Variants in ACOXL observed in about 807,000 individuals in gnomAD.
ACOXL encodes the protein acyl-coenzyme A oxidase-like protein.
A neutral mutation model predicts 71.9 loss-of-function variants in ACOXL; 70 were observed. The ratio of observed to expected loss-of-function variants is 0.97; its 90% CI spans 0.80 to 1.19. The LOEUF is 1.19. Ranked by LOEUF, ACOXL falls within the 50% of genes most tolerant of loss-of-function variation. ACOXL has a pLI of 0.00. For missense variants in ACOXL, 703 were observed against 736.3 expected (o/e 0.95, Z 0.52); for synonymous variants, 253 against 281.6 (o/e 0.90, Z 1.02).
At chr2:110,876,081 G>A (rs1558658060) in intron 10 of ACOXL, among the ~76,000 whole-genome samples, 1 of 152,184 alleles carries the variant, frequency 6.6e-6, no homozygotes, top group Non-Finnish European at 1.5e-5. Flanking sequence ...TCCACTGACT[G>A]CACGGTACTT....
chr2:110,968,436 C>G, intron 12 of ACOXL: 1 of 1,184,516 alleles, frequency 8.4e-7, no homozygotes, highest in Non-Finnish European at 1.2e-6. Context: ...ACATCACGGG[C>G]CAGAATGTTG....
intron 15 of ACOXL, among the ~76,000 whole-genome samples, chr2:111,032,916 G>A (rs958329085): frequency 6.6e-6 from 1 of 152,212 alleles, no homozygotes; most frequent in Non-Finnish European, 1.5e-5. Context: ...ATTGGAGTGA[G>A]TGCTTTAGGC....
At chr2:111,049,384 C>A in intron 16 of ACOXL, 96 bp downstream of exon 16, 1 of 977,610 alleles carries the variant, frequency 1.0e-6, no homozygotes, top group South Asian at 1.4e-5. Flanking sequence ...GTAAATTTAT[C>A]ATGTCTGAAT....
chr2:110,942,678 G>T (rs1383545298), intron 12 of ACOXL, among the ~76,000 whole-genome samples: 13 of 151,438 alleles, frequency 8.6e-5, no homozygotes, highest in Admixed American at 8.6e-4. Context: ...TTGAGGTCAG[G>T]AGTTCAAGAG....
At chr2:110,988,857 T>TTGTGTGTG (rs70958753) in intron 13 of ACOXL, among the ~76,000 whole-genome samples, 8,761 of 143,324 alleles carry the variant, frequency 0.061, 296 homozygotes, top group Non-Finnish European at 0.07. Context: ...CCTATTTTTA[T>TTGTGTGTG]TGTGTGTGTG....
intron 14 of ACOXL, among the ~76,000 whole-genome samples, chr2:111,019,862 T>G (rs1168039937): frequency 1.3e-5 from 2 of 152,132 alleles, no homozygotes; most frequent in African/African-American, 4.8e-5. Flanking sequence ...ACTTTCTTTT[T>G]CTTTTTCTTT....
intron 17 of ACOXL, among the ~76,000 whole-genome samples, chr2:111,111,172 T>C (rs547844313): frequency 1.1e-3 from 164 of 152,280 alleles, no homozygotes; most frequent in African/African-American, 3.4e-3. Flanking sequence ...TGATCTTGGC[T>C]TTCTGCAACC....
Position 110,793,683 on chromosome 2 carries a change from A to T in ACOXL, c.193A>T (p.Ile65Phe), listed in dbSNP as rs769965867. 1.2e-6 allele frequency: 2 copies of T among 1,614,042 alleles called. No individual in the cohort carries two copies. The highest frequency in any genetic ancestry group is 1.3e-5 in the African/African-American group (1 of 74,906). The change falls in exon 4 of 18, where the codon ATC (isoleucine) becomes TTC (phenylalanine). Residue 65 changes from isoleucine to phenylalanine, a missense_variant. Physicochemically the swap from Ile to Phe is conservative, Grantham distance 21. Transcript: ENST00000439055. ...AATTTATTGGCTATTTGGTGGTGCT[A>T]TCAGGAATCTCGGAAGCCCTGAACA... ...GIIYWLFGGAIRNLGSPEHVT... is the reference protein window; with the variant it reads ...GIIYWLFGGAFRNLGSPEHVT...
At chr2:110,889,313 A>AT (rs68140065) in intron 10 of ACOXL, among the ~76,000 whole-genome samples, 297 of 152,018 alleles carry the variant, frequency 2.0e-3, no homozygotes, top group African/African-American at 6.8e-3. Flanking sequence ...ACCCCAACTA[A>AT]TTTTTTTTAA....
chr2:111,019,376 G>C (rs1466656477), intron 14 of ACOXL, among the ~76,000 whole-genome samples: 2 of 152,302 alleles, frequency 1.3e-5, no homozygotes, highest in Admixed American at 1.3e-4. Context: ...GTTCAAATGC[G>C]TGCTAAATGA....
intron 10 of ACOXL, among the ~76,000 whole-genome samples, chr2:110,860,879 A>T (rs1251888380): frequency 1.3e-5 from 2 of 152,088 alleles, no homozygotes; most frequent in East Asian, 3.9e-4. Flanking sequence ...CCTGTTATCC[A>T]CTGGTTCCCC....
At chr2:110,848,830 C>T (rs1692235277) in intron 10 of ACOXL, among the ~76,000 whole-genome samples, 1 of 152,224 alleles carries the variant, frequency 6.6e-6, no homozygotes. Flanking sequence ...CTTTCGCAAA[C>T]ACAGATCTGA....
intron 3 of ACOXL, among the ~76,000 whole-genome samples, chr2:110,789,555 T>C (rs1452611620): frequency 6.6e-6 from 1 of 152,216 alleles, no homozygotes; most frequent in Non-Finnish European, 1.5e-5. Flanking sequence ...CTTCTCATTG[T>C]GTCCTCATTG....
At chr2:110,891,964 A>G (rs1054115266) in intron 10 of ACOXL, among the ~76,000 whole-genome samples, 32 of 152,026 alleles carry the variant, frequency 2.1e-4, no homozygotes, top group African/African-American at 7.7e-4. Flanking sequence ...TTGACATTCC[A>G]TGATTTGGAT....
At chr2:110,958,371 G>T (rs1369978787) in intron 12 of ACOXL, among the ~76,000 whole-genome samples, 1 of 152,214 alleles carries the variant, frequency 6.6e-6, no homozygotes, top group South Asian at 2.1e-4. Flanking sequence ...ACGCAGGCCA[G>T]TCTGTGTGTG....
At chr2:110,894,243 A>G (rs968394866) in intron 10 of ACOXL, among the ~76,000 whole-genome samples, 2 of 152,016 alleles carry the variant, frequency 1.3e-5, no homozygotes, top group Non-Finnish European at 2.9e-5. Context: ...ATGATGCAAT[A>G]GAGAGCTCTC....
chr2:110,987,131 C>T lies in ACOXL; in HGVS notation c.1083C>T (p.Ala361=). 6.4e-7 allele frequency: 1 copy of T among 1,572,984 alleles called. No homozygotes were observed. Among genetic ancestry groups the T allele is most frequent in the Non-Finnish European group, 8.6e-7 (1 of 1,156,108 alleles). ...GGMVVGRELL[A]QYTKQYEEKP... ...AGGTTGTGGGGCGGGAACTGCTGGC[C>T]CAATACACCAAACAGTATGAAGAAA... The change falls in exon 13 of 18, where the codon GCC becomes GCT. Residue 361 remains alanine (A), a synonymous_variant. Transcript: ENST00000439055.
intron 17 of ACOXL, among the ~76,000 whole-genome samples, chr2:111,112,457 T>C (rs1471000560): frequency 2.0e-5 from 3 of 152,196 alleles, no homozygotes; most frequent in Non-Finnish European, 4.4e-5. Flanking sequence ...TTTTCTTTCA[T>C]TGACTGCTTA....
At chr2:111,004,669 A>G (rs900302049) in intron 14 of ACOXL, among the ~76,000 whole-genome samples, 6 of 152,174 alleles carry the variant, frequency 3.9e-5, no homozygotes, top group Admixed American at 1.3e-4. Flanking sequence ...AAATAAACCA[A>G]TAAACAATGG....
Sources: allele counts gnomAD v4.1 joint callset (sites outside exome capture counted in the v4.1 genomes callset), GRCh38; gene constraint gnomAD v4.1.1; transcripts MANE v1.5; gene names NCBI Gene and HGNC (gene_info 2026-07-23, HGNC 2026-07-21).